The following GAS2 variants were observed in gnomAD, a reference collection of about 807,000 sequenced individuals.
The protein encoded by GAS2 is growth arrest specific 2, also known as growth arrest-specific protein 2.
Under a neutral mutation model 37.5 loss-of-function variants are expected in GAS2, and 20 were observed. The ratio of observed to expected loss-of-function variants is 0.53; its 90% CI spans 0.37 to 0.77. The LOEUF (loss-of-function observed/expected upper bound fraction) is 0.77, where lower values mean the gene tolerates loss of function less well. Among genes scored for constraint, GAS2 ranks in the 30% least tolerant of loss-of-function variants. GAS2 has a pLI of 0.00. For synonymous variants in GAS2, 144 were observed against 132.2 expected (o/e 1.09, Z -0.61); for missense variants, 336 against 373.4 (o/e 0.90, Z 0.82).
At chr11:22,798,851 A>C (rs980590113) in intron 7 of GAS2, among the ~76,000 whole-genome samples, 1 of 152,016 alleles carries the variant, frequency 6.6e-6, no homozygotes, top group African/African-American at 2.4e-5. Flanking sequence ...TCACTCCTCC[A>C]TGTGTCAAGG....
intron 7 of GAS2, among the ~76,000 whole-genome samples, chr11:22,766,684 A>T (rs1421587261): frequency 1.3e-5 from 2 of 152,198 alleles, no homozygotes; most frequent in African/African-American, 4.8e-5. Context: ...TAGAAAACCC[A>T]ACAAAAATAG....
chr11:22,675,007 T>C lies in GAS2; in HGVS notation c.138T>C (p.Asn46=), dbSNP rs2133888991. The C allele has an allele frequency of 6.2e-7, 1 of 1,613,598 alleles. No homozygotes were observed. The highest frequency in any genetic ancestry group is 8.5e-7 in the Non-Finnish European group (1 of 1,179,744). The change falls in exon 2 of 8, where the codon AAT becomes AAC. Residue 46 remains asparagine, a synonymous_variant. Transcript: ENST00000454584. ...MKEDLALWLT[N]LLGKEITAET... ...AAGATCTGGCCTTGTGGTTAACCAA[T>C]CTATTAGGTAAGGTTATAAGATCTC...
At chr11:22,794,510 C>G (rs1017526988) in intron 7 of GAS2, among the ~76,000 whole-genome samples, 1 of 152,088 alleles carries the variant, frequency 6.6e-6, no homozygotes, top group Non-Finnish European at 1.5e-5. Context: ...GCCATCTTTT[C>G]TCTCCCCTTC....
intron 3 of GAS2, among the ~76,000 whole-genome samples, chr11:22,718,978 T>C (rs936715776): frequency 1.3e-5 from 2 of 152,124 alleles, no homozygotes; most frequent in African/African-American, 4.8e-5. Flanking sequence ...AAGCATTTGA[T>C]ACTTCTCAAA....
At chr11:22,739,399 C>G (rs576397338) in intron 5 of GAS2, among the ~76,000 whole-genome samples, 51 of 151,332 alleles carry the variant, frequency 3.4e-4, no homozygotes, top group Non-Finnish European at 6.8e-4. Flanking sequence ...AGAATGAAAC[C>G]CTGTCTATAC....
chr11:22,731,861 C>A (rs1852493997), intron 4 of GAS2, among the ~76,000 whole-genome samples: 1 of 151,472 alleles, frequency 6.6e-6, no homozygotes, highest in East Asian at 1.9e-4. Flanking sequence ...AATTTCTTTC[C>A]CAGGATCATT....
At chr11:22,760,196 G>A (rs1457324229) in intron 7 of GAS2, among the ~76,000 whole-genome samples, 4 of 151,670 alleles carry the variant, frequency 2.6e-5, no homozygotes, top group African/African-American at 7.3e-5. Flanking sequence ...GGCCAGGCTG[G>A]CTTCAAACTC....
intron 1 of GAS2, among the ~76,000 whole-genome samples, chr11:22,656,921 T>G (rs768445242): frequency 3.9e-5 from 6 of 152,226 alleles, no homozygotes; most frequent in Non-Finnish European, 8.8e-5. Flanking sequence ...TTAACTTTTA[T>G]GATGTATTTT....
chr11:22,650,738 A>C (rs541528573), intron 1 of GAS2, among the ~76,000 whole-genome samples: 5 of 152,108 alleles, frequency 3.3e-5, no homozygotes, highest in African/African-American at 9.7e-5. Flanking sequence ...CTAGAATTGC[A>C]ACCCCTGCCT....
chr11:22,750,027 T>A lies in GAS2; in HGVS notation c.615+766T>A, dbSNP rs1164169785. Among the ~76,000 whole-genome samples, 4 of 151,968 alleles carry A rather than the reference T, an allele frequency of 2.6e-5. No individual in the cohort carries two copies. In the South Asian group the frequency reaches 6.2e-4, roughly 24 times the overall value. On this transcript the variant is annotated intron_variant, in intron 6 of 7. Transcript: ENST00000454584. ...ATTTTAAGTGCAAATATAAAAAAAA[T>A]TAATAAAGGAGATAAATCATGAGTG...
intron 7 of GAS2, among the ~76,000 whole-genome samples, chr11:22,789,322 AC>A (rs1487571738): frequency 0.011 from 1,572 of 138,010 alleles, 56 homozygotes; most frequent in African/African-American, 0.04. Context: ...ACACACACAC[AC>A]ACACACACAA....
At chr11:22,789,450 A>ATATATATATATATATG (rs1564889908) in intron 7 of GAS2, among the ~76,000 whole-genome samples, 11 of 90,534 alleles carry the variant, frequency 1.2e-4, no homozygotes, top group African/African-American at 4.3e-4. Context: ...ATATATATAT[A>ATATATATATATATATG]TATATTCTTT....
intron 1 of GAS2, among the ~76,000 whole-genome samples, chr11:22,640,438 A>G (rs1392065797): frequency 1.3e-5 from 2 of 152,212 alleles, no homozygotes; most frequent in Non-Finnish European, 2.9e-5. Context: ...TTATTTAAAT[A>G]TAATTTCATT....
upstream of GAS2, among the ~76,000 whole-genome samples, chr11:22,665,692 T>G (rs919190496): frequency 1.3e-5 from 2 of 152,230 alleles, no homozygotes; most frequent in Admixed American, 1.3e-4. Flanking sequence ...CTTTATTAAA[T>G]GTATTGCCAC....
intron 7 of GAS2, among the ~76,000 whole-genome samples, chr11:22,793,552 T>C (rs1462327473): frequency 1.3e-5 from 2 of 151,988 alleles, no homozygotes; most frequent in Non-Finnish European, 2.9e-5. Flanking sequence ...GAGAACACAA[T>C]GATGAAGCTA....
At chr11:22,746,718 G>A (rs910012978) in intron 5 of GAS2, among the ~76,000 whole-genome samples, 1 of 152,114 alleles carries the variant, frequency 6.6e-6, no homozygotes, top group African/African-American at 2.4e-5. Context: ...GCAAGGGAGG[G>A]AGGAAAGGCT....
chr11:22,638,858 G>T (rs183266980), intron 1 of GAS2, among the ~76,000 whole-genome samples: 1 of 152,128 alleles, frequency 6.6e-6, no homozygotes, highest in South Asian at 2.1e-4. Context: ...CAGTCATAGA[G>T]GGTTTTTTCC....
rs2134331800 is a variant in GAS2 at position 22,755,932 on chromosome 11, A to G, written c.702A>G (p.Gly234=). Residue 234 remains glycine, a synonymous_variant, in exon 7 of 8, where the codon GGA becomes GGG. Coordinates refer to ENST00000454584, the MANE Select transcript of GAS2 (RefSeq NM_001143830.3). ...TCTCCCAAGGAAGATACCGAGTGGG[A>G]GAAAAGATCCTCTTCATTAGGGTAA... is the stretch of plus-strand genomic sequence containing the variant. ...ERLSQGRYRV[G]EKILFIRMLH... 4 of 1,611,644 alleles carry G rather than the reference A, an allele frequency of 2.5e-6. No homozygotes were observed. Among genetic ancestry groups the G allele is most frequent in the South Asian group, 1.1e-5 (1 of 90,900 alleles).
At chr11:22,726,223 CAT>C (rs1852205980) in intron 3 of GAS2, 67 bp from the exon 4 acceptor site, 6 of 1,486,004 alleles carry the variant, frequency 4.0e-6, no homozygotes, top group South Asian at 2.6e-5. Flanking sequence ...TTGTTGAAAA[CAT>C]GTTTTTAAAA....
Sources: allele counts gnomAD v4.1 joint callset (sites outside exome capture counted in the v4.1 genomes callset), GRCh38; gene constraint gnomAD v4.1.1; transcripts MANE v1.5; gene names NCBI Gene and HGNC (gene_info 2026-07-23, HGNC 2026-07-21).